Variants in CNTNAP3B observed in about 807,000 individuals in gnomAD.
CNTNAP3B encodes contactin associated protein family member 3B, also known as contactin-associated protein-like 3B.
CNTNAP3B carries 25 observed loss-of-function variants against 108.9 expected under a neutral mutation model. That is an observed-to-expected ratio of 0.23 (90% CI 0.17 to 0.32). CNTNAP3B has a LOEUF of 0.32. CNTNAP3B is among the 10% of genes least tolerant of loss of function. CNTNAP3B has a pLI of 1.00. For synonymous variants in CNTNAP3B, 103 were observed against 473.4 expected (o/e 0.22, Z 10.16); for missense variants, 252 against 1,210.4 (o/e 0.21, Z 11.75).
intron 3 of CNTNAP3B, among the ~76,000 whole-genome samples, chr9:42,061,495 G>A (rs1360864212): frequency 2.3e-5 from 3 of 128,660 alleles, no homozygotes; most frequent in Non-Finnish European, 3.2e-5. Flanking sequence ...TTGTATTTTA[G>A]AAGAGATGGG....
intron 1 of CNTNAP3B, among the ~76,000 whole-genome samples, chr9:42,107,939 C>G (rs1828113959): frequency 1.6e-5 from 2 of 121,794 alleles, no homozygotes; most frequent in South Asian, 5.3e-4. Context: ...GGTGCCAGTA[C>G]ACTCTAGGCT....
intron 12 of CNTNAP3B, among the ~76,000 whole-genome samples, chr9:41,959,695 A>G (rs868160192): frequency 1.3e-5 from 2 of 152,416 alleles, no homozygotes; most frequent in Middle Eastern, 3.4e-3. Flanking sequence ...TCTTCTGAAC[A>G]TCCCCTGTAA....
chr9:42,095,879 C>T (rs2118680330), intron 2 of CNTNAP3B, among the ~76,000 whole-genome samples: 1 of 137,920 alleles, frequency 7.3e-6, no homozygotes, highest in South Asian at 2.4e-4. Context: ...GTTCAAGCCC[C>T]AAGTAGAGGT....
At chr9:41,932,200 A>AAAGCTT (rs1321542167) in intron 14 of CNTNAP3B, among the ~76,000 whole-genome samples, 1 of 151,826 alleles carries the variant, frequency 6.6e-6, no homozygotes, top group African/African-American at 2.4e-5. Flanking sequence ...ATTATTTTCT[A>AAAGCTT]AAGCTTATAC....
chr9:42,103,128 C>T (rs1389978912), intron 2 of CNTNAP3B, among the ~76,000 whole-genome samples: 2 of 120,970 alleles, frequency 1.7e-5, no homozygotes, highest in East Asian at 2.7e-4. Flanking sequence ...TGAGATTGCT[C>T]TTGTTTTCCT....
rs1824749680 is a variant in CNTNAP3B, at chr9:41,953,221, G to A, written c.2042C>T (p.Ala681Val). ...GCGCCGCGCTGTCCCGCAGCGCAGAGCCAGCCGCTGCTCGCAGCGCTCCGC... is the reference window on the plus strand; with the variant it reads ...GCGCCGCGCTGTCCCGCAGCGCAGAACCAGCCGCTGCTCGCAGCGCTCCGC... Reference protein sequence around the residue: ...NLAERCEQRLALRCGTARRPD... With the variant: ...NLAERCEQRLVLRCGTARRPD... Residue 681 changes from alanine to valine, a missense_variant, in exon 13 of 24, where the codon GCT (alanine) becomes GTT (valine). Physicochemically the swap from Ala to Val is moderately conservative, Grantham distance 64 (BLOSUM62 0). Coordinates refer to ENST00000377561, the MANE Select transcript of CNTNAP3B (RefSeq NM_001201380.3). The A allele has an allele frequency of 3.9e-6, 6 of 1,530,430 alleles. No individual in the cohort carries two copies. The highest frequency in any genetic ancestry group is 5.2e-6 in the Non-Finnish European group (6 of 1,148,120). 94.8% of individuals were successfully genotyped at this position (1,530,430 alleles called of 1,614,324 possible). A position where few individuals can be genotyped will look rare whatever the true frequency, so the allele number is the denominator to read the frequency against.
Position 42,075,481 on chromosome 9 carries a change from C to T in CNTNAP3B, c.390+1388G>A, listed in dbSNP as rs1414237246. ...GAGGTAAGATCATGAGAGTTGACAT[C>T]TGTCATTTTAAGTGTTCTGGATTAG... On this transcript the variant is annotated intron_variant, in intron 3 of 23. Transcript: ENST00000377561. Among the ~76,000 whole-genome samples, 3 of 136,188 alleles carry T rather than the reference C, an allele frequency of 2.2e-5. 1 individual carries two copies. The highest frequency in any genetic ancestry group is 4.7e-5 in the Non-Finnish European group (3 of 64,084). 89.3% of individuals were successfully genotyped at this position (136,188 alleles called of 152,430 possible).
chr9:41,942,246 C>T (rs1283305295), intron 13 of CNTNAP3B, among the ~76,000 whole-genome samples: 2 of 152,252 alleles, frequency 1.3e-5, no homozygotes, highest in African/African-American at 2.4e-5. Context: ...GAGGCCGAGG[C>T]GGGCAGATCA....
Position 42,127,425 on chromosome 9 carries a change from G to A in CNTNAP3B, c.85+1585C>T, listed in dbSNP as rs1587294183. Among the ~76,000 whole-genome samples the A allele has an allele frequency of 2.1e-5, 3 of 139,700 alleles. 1 individual carries two copies. The East Asian group carries it at 6.5e-4, about 30-fold the overall frequency. 91.6% of individuals were successfully genotyped at this position (139,700 alleles called of 152,430 possible). A position where few individuals can be genotyped will look rare whatever the true frequency, so the allele number is the denominator to read the frequency against. On this transcript the variant is annotated intron_variant, in intron 1 of 23. Coordinates refer to ENST00000377561, the MANE Select transcript of CNTNAP3B (RefSeq NM_001201380.3). ...TGCAACAAAAACAGGAAAGGTGGTG[G>A]CAGGATCTCAGATTTCATTTTTCTC... is the stretch of plus-strand genomic sequence containing the variant.
chr9:41,923,662 T>C lies in CNTNAP3B; in HGVS notation c.2536+261A>G, dbSNP rs1178136266. Among the ~76,000 whole-genome samples, 4 of 152,418 alleles carry C rather than the reference T, an allele frequency of 2.6e-5. No individual in the cohort carries two copies. In the East Asian group the frequency reaches 5.8e-4, roughly 22 times the overall value. Reference sequence around the variant, plus strand: ...CTATAGTCCCAGCTACTCAGGAGACTGAGGCAGGAGAATTGCTTGAACCCA... The same window carrying C: ...CTATAGTCCCAGCTACTCAGGAGACCGAGGCAGGAGAATTGCTTGAACCCA... On this transcript the variant is annotated intron_variant, in intron 16 of 23. Coordinates refer to ENST00000377561, the MANE Select transcript of CNTNAP3B (RefSeq NM_001201380.3).
rs1178500377 is a variant in CNTNAP3B, at chr9:41,997,749, T to A, written c.746A>T (p.Asn249Ile). ...AGCAATAGTAGAAGGCAGCTTAGCA[T>A]TGCCTTAAAGGAGAAGGAAAAAAAC... Reference protein sequence around the residue: ...GKLVFFLNSGNAKLPSTIAPV... With the variant: ...GKLVFFLNSGIAKLPSTIAPV... Residue 249 changes from asparagine to isoleucine, a missense_variant, in exon 6 of 24, where the codon AAT becomes ATT. By Grantham distance (149) the Asn-to-Ile change is moderately radical. Transcript: ENST00000377561. The A allele has an allele frequency of 4.2e-6, 5 of 1,179,504 alleles. No individual in the cohort carries two copies. In the Admixed American group the frequency reaches 1.4e-4, roughly 32 times the overall value. The allele number at this position is 1,179,504 out of a possible 1,614,324, so 73.1% of individuals were successfully genotyped here. A position where few individuals can be genotyped will look rare whatever the true frequency, so the allele number is the denominator to read the frequency against.
rs1316995881 is a variant in CNTNAP3B, at chr9:42,121,370, T to G, written c.85+7640A>C. On this transcript the variant is annotated intron_variant, in intron 1 of 23. Coordinates refer to ENST00000377561, the MANE Select transcript of CNTNAP3B (RefSeq NM_001201380.3). ...ACAAACGCCCATCACAGGCTCAGCT[T>G]TCTAAGAAAACTCTGGCTGGGACAG... 1.4e-5 allele frequency among the ~76,000 whole-genome samples: 2 copies of G among 139,326 alleles called. 1 individual carries two copies. The highest frequency in any genetic ancestry group is 3.1e-5 in the Non-Finnish European group (2 of 64,980). 91.4% of individuals were successfully genotyped at this position (139,326 alleles called of 152,430 possible).
rs28816822 is a variant in CNTNAP3B at position 42,117,040 on chromosome 9, G to T, written c.85+11970C>A. On this transcript the variant is annotated intron_variant, in intron 1 of 23. Transcript: ENST00000377561. ...ACTCATAAAGCAAGTCCTTAGAGGT[G>T]TACAAACAGACTTAGACTTCCACAC... Among the ~76,000 whole-genome samples the T allele has an allele frequency of 2.2e-5, 3 of 138,668 alleles. 1 individual carries two copies. The highest frequency in any genetic ancestry group is 8.6e-5 in the African/African-American group (3 of 34,828). The allele number at this position is 138,668 out of a possible 152,430, so 91.0% of individuals were successfully genotyped here.
At chr9:42,058,394 G>C (rs1331597969) in intron 3 of CNTNAP3B, among the ~76,000 whole-genome samples, 2 of 148,952 alleles carry the variant, frequency 1.3e-5, no homozygotes, top group African/African-American at 5.0e-5. Flanking sequence ...TTGTCTTTTT[G>C]ATAATAACCA....
chr9:42,113,405 AT>A lies in CNTNAP3B; in HGVS notation c.86-8667del, dbSNP rs1319782083. Among the ~76,000 whole-genome samples the A allele has an allele frequency of 1.4e-5, 2 of 139,700 alleles. 1 individual carries two copies. Among genetic ancestry groups the A allele is most frequent in the Non-Finnish European group, 3.1e-5 (2 of 65,130 alleles). 91.6% of individuals were successfully genotyped at this position (139,700 alleles called of 152,430 possible). A position where few individuals can be genotyped will look rare whatever the true frequency, so the allele number is the denominator to read the frequency against. ...TTCAATACCTATTTTTAAACTATAG[AT>A]TTTTGGCTAAAGTATATAATACGAG... On this transcript the variant is annotated intron_variant, in intron 1 of 23. Coordinates refer to ENST00000377561, the MANE Select transcript of CNTNAP3B (RefSeq NM_001201380.3).
At chr9:42,098,009 CA>C (rs1827944515) in intron 2 of CNTNAP3B, among the ~76,000 whole-genome samples, 1 of 137,430 alleles carries the variant, frequency 7.3e-6, no homozygotes, top group African/African-American at 2.9e-5. Flanking sequence ...TTTCAACAGA[CA>C]ATACACAGAA....
chr9:42,024,797 C>T (rs540118590), intron 3 of CNTNAP3B, among the ~76,000 whole-genome samples: 2 of 145,456 alleles, frequency 1.4e-5, no homozygotes, highest in South Asian at 4.4e-4. Context: ...TAGTTTGCAC[C>T]GTTTGCCAAT....
At chr9:41,939,318 A>C (rs1450894236) in intron 13 of CNTNAP3B, among the ~76,000 whole-genome samples, 2 of 152,310 alleles carry the variant, frequency 1.3e-5, no homozygotes, top group African/African-American at 2.4e-5. Context: ...TTTTTTAAAC[A>C]TGCTTGATCA....
At position 42,002,374 on chromosome 9, in the gene CNTNAP3B, C is replaced by T. The variant is rs1826021303; in HGVS notation, c.539-3770G>A. Among the ~76,000 whole-genome samples, 2 of 73,144 alleles carry T rather than the reference C, an allele frequency of 2.7e-5. 1 individual carries two copies. The highest frequency in any genetic ancestry group is 1.1e-4 in the African/African-American group (2 of 18,822). 48.0% of individuals were successfully genotyped at this position (73,144 alleles called of 152,430 possible). A position where few individuals can be genotyped will look rare whatever the true frequency, so the allele number is the denominator to read the frequency against. On this transcript the variant is annotated intron_variant, in intron 4 of 23. Transcript: ENST00000377561. ...TATCTCATTTTCTTGTGTTAGAGGA[C>T]CACGAGAGTTTTTAAATGATACTTG...
Sources: allele counts gnomAD v4.1 joint callset (sites outside exome capture counted in the v4.1 genomes callset), GRCh38; gene constraint gnomAD v4.1.1; transcripts MANE v1.5; gene names NCBI Gene and HGNC (gene_info 2026-07-23, HGNC 2026-07-21).